CRYAB: variants seen among roughly 807,000 people sequenced by gnomAD.
The protein encoded by CRYAB is crystallin alpha B, also known as alpha-crystallin B chain.
CRYAB carries 9 observed loss-of-function variants against 12.7 expected under a neutral mutation model. That is an observed-to-expected ratio of 0.71 (90% confidence interval 0.43 to 1.24). The LOEUF (loss-of-function observed/expected upper bound fraction) is 1.24, where lower values mean the gene tolerates loss of function less well. CRYAB is among the 50% of genes most tolerant of loss of function. The pLI, the probability that CRYAB is intolerant of heterozygous loss-of-function variation, is 0.00. For synonymous variants in CRYAB, 93 were observed against 86.8 expected, an observed-to-expected ratio of 1.07 and a Z score of -0.40; for missense variants, 183 against 226.6, an observed-to-expected ratio of 0.81 and a Z score of 1.24.
chr11:111,920,697 G>A (rs1006994474), intron 1 of CRYAB, among the ~76,000 whole-genome samples: 1 of 152,170 alleles, frequency 6.6e-6, no homozygotes, highest in Non-Finnish European at 1.5e-5. Context: ...CCTGGGGGTA[G>A]AGGCTGCAGT....
chr11:111,921,063 T>A (rs1965690359), intron 1 of CRYAB, among the ~76,000 whole-genome samples: 1 of 152,260 alleles, frequency 6.6e-6, no homozygotes, highest in Non-Finnish European at 1.5e-5. Flanking sequence ...TTCCTGGTCC[T>A]GGTTTTATTC....
intron 1 of CRYAB, among the ~76,000 whole-genome samples, chr11:111,919,486 A>AC (rs1180444024): frequency 1.2e-4 from 18 of 151,714 alleles, no homozygotes; most frequent in Non-Finnish European, 2.1e-4. Context: ...AACAACAACA[A>AC]AAAAAAACAG....
rs1160682106 is a variant in CRYAB, at chr11:111,908,835, A to C, written c.457T>G (p.Ser153Ala). The C allele has an allele frequency of 5.0e-6, 8 of 1,613,962 alleles. No homozygotes were observed. Among genetic ancestry groups the C allele is most frequent in the Non-Finnish European group, 5.9e-6 (7 of 1,180,036 alleles). The change falls in exon 3 of 3, where the codon TCT becomes GCT. Residue 153 changes from serine to alanine, a missense_variant. This residue lies in a region of CRYAB where 95 missense variants were observed against 112.5 expected (regional missense o/e 0.84). Coordinates refer to ENST00000650687, the MANE Select transcript of CRYAB (RefSeq NM_001289808.2). ...LTVNGPRKQV[S>A]GPERTIPITR... ...ATGGGAATGGTGCGCTCAGGGCCAG[A>C]GACCTGTTTCCTTGGTCCATTCACA...
chr11:111,913,130 T>A (rs1237362848), upstream of CRYAB: 1 of 612,474 alleles, frequency 1.6e-6, no homozygotes, highest in Non-Finnish European at 3.0e-6. Context: ...GTGCTTGCAG[T>A]GCTGATACCT....
chr11:111,913,987 G>C (rs984087967), upstream of CRYAB: 6 of 1,127,394 alleles, frequency 5.3e-6, no homozygotes, highest in Non-Finnish European at 7.5e-6. Context: ...AGCATCCTTG[G>C]GGGAAGGGAA....
chr11:111,913,084 A>T, upstream of CRYAB: 6 of 638,080 alleles, frequency 9.4e-6, no homozygotes, highest in Non-Finnish European at 1.1e-5. Context: ...CCAAGCAGAG[A>T]TCTTTCCCAT....
At chr11:111,919,064 C>G (rs1555166310) in intron 1 of CRYAB, 1 of 1,593,596 alleles carries the variant, frequency 6.3e-7, no homozygotes, top group East Asian at 2.2e-5. Context: ...GTAGAGGCCC[C>G]GAAAATCAGA....
intron 1 of CRYAB, among the ~76,000 whole-genome samples, chr11:111,923,475 CAG>C (rs1440484496): frequency 2.6e-5 from 4 of 152,192 alleles, no homozygotes; most frequent in African/African-American, 9.7e-5. Flanking sequence ...GGCAGACAAA[CAG>C]GGTTGGTTCT....
At chr11:111,911,421 T>A (rs960010330) in intron 1 of CRYAB, 103 bp downstream of exon 1, 4 of 1,167,038 alleles carry the variant, frequency 3.4e-6, no homozygotes, top group Non-Finnish European at 3.7e-6. Flanking sequence ...TGGACACACA[T>A]GTGCCTAAAA....
chr11:111,910,197 G>A (rs782146253), intron 2 of CRYAB, 130 bp downstream of exon 2: 1 of 1,130,816 alleles, frequency 8.8e-7, no homozygotes, highest in East Asian at 2.4e-5. Context: ...ACATTGATTT[G>A]TAACCCCTGA....
chr11:111,915,248 A>AC (rs782224497), upstream of CRYAB, among the ~76,000 whole-genome samples: 1 of 152,118 alleles, frequency 6.6e-6, no homozygotes, highest in African/African-American at 2.4e-5. Context: ...CCATTCACAT[A>AC]CCCCCCTTAG....
upstream of CRYAB, chr11:111,913,587 A>T (rs1025054358): frequency 1.9e-6 from 3 of 1,614,036 alleles, no homozygotes; most frequent in East Asian, 6.7e-5. Flanking sequence ...TCTGGATGTG[A>T]GCCACTTTAC....
At chr11:111,913,804 T>C (rs782384792), upstream of CRYAB, 14 of 1,614,066 alleles carry the variant, frequency 8.7e-6, no homozygotes, top group East Asian at 3.1e-4. Context: ...GGCCGACATT[T>C]GGACACAGAG....
At chr11:111,920,838 C>T (rs2137399510) in intron 1 of CRYAB, among the ~76,000 whole-genome samples, 1 of 152,316 alleles carries the variant, frequency 6.6e-6, no homozygotes, top group Middle Eastern at 3.4e-3. Context: ...ATATGACTTT[C>T]ACACTTATTT....
At chr11:111,910,829 C>CGAGATCTA in intron 1 of CRYAB, 2 of 338,572 alleles carry the variant, frequency 5.9e-6, no homozygotes, top group South Asian at 2.8e-5. Flanking sequence ...AGTTTTCCAC[C>CGAGATCTA]CACCCAATCT....
chr11:111,917,704 G>C (rs1965619085), upstream of CRYAB, among the ~76,000 whole-genome samples: 2 of 150,770 alleles, frequency 1.3e-5, no homozygotes, highest in African/African-American at 4.9e-5. Context: ...TAATTAGCTA[G>C]GCACAGTGGT....
chr11:111,921,989 C>T (rs587772492), intron 1 of CRYAB, among the ~76,000 whole-genome samples: 77 of 152,284 alleles, frequency 5.1e-4, no homozygotes, highest in Middle Eastern at 6.8e-3. Flanking sequence ...CGTGCCACCA[C>T]GCCCAGCTAA....
chr11:111,910,644 T>C (rs1555165453), intron 1 of CRYAB, 195 bp from the exon 2 acceptor site: 3 of 694,586 alleles, frequency 4.3e-6, no homozygotes, highest in Admixed American at 2.3e-5. Flanking sequence ...CTAAGGCTCA[T>C]GGTGATCAGA....
chr11:111,913,191 G>A (rs1040302774), upstream of CRYAB: 3 of 603,038 alleles, frequency 5.0e-6, no homozygotes, highest in Non-Finnish European at 8.9e-6. Flanking sequence ...ATCCACCCAG[G>A]CCGTTTGGTG....
Sources: allele counts gnomAD v4.1 joint callset (sites outside exome capture counted in the v4.1 genomes callset), GRCh38; gene constraint gnomAD v4.1.1; regional missense constraint gnomAD v4.1.1; transcripts MANE v1.5; gene names NCBI Gene and HGNC (gene_info 2026-07-23, HGNC 2026-07-21).